Variants in GRK3 observed in about 807,000 individuals in gnomAD.
GRK3 encodes G protein-coupled receptor kinase 3, also known as adrenergic, beta, receptor kinase 2.
GRK3 carries 54 observed loss-of-function variants against 95.7 expected under a neutral mutation model. The observed-to-expected ratio is 0.56, with a 90% CI of 0.45 to 0.71. The LOEUF is 0.71. Among genes scored for constraint, GRK3 ranks in the 30% least tolerant of loss-of-function variants. The probability of loss-of-function intolerance (pLI) is 0.00; values close to 1 mark genes in which losing one functional copy is unlikely to be tolerated. For synonymous variants in GRK3, 281 were observed against 290.8 expected (o/e 0.97, Z 0.34); for missense variants, 649 against 851.2 (o/e 0.76, Z 2.96).
At position 25,726,560 on chromosome 22, in the gene GRK3, G is replaced by C. The variant is rs2085475704; in HGVS notation, c.*4110G>C. ...GGCTTCACTGGGATCTGTGACAGGT[G>C]GGGGCTGGGCTGGGTGTCACAAAGA... On this transcript the variant is annotated 3_prime_UTR_variant, in exon 21 of 21. Coordinates refer to ENST00000324198, the MANE Select transcript of GRK3 (RefSeq NM_005160.4). The C allele has an allele frequency of 2.0e-5, 3 of 152,206 alleles. No homozygotes were observed. Among genetic ancestry groups the C allele is most frequent in the Admixed American group, 2.0e-4 (3 of 15,280 alleles). 9.4% of individuals were successfully genotyped at this position (152,206 alleles called of 1,614,324 possible). A position where few individuals can be genotyped will look rare whatever the true frequency, so the allele number is the denominator to read the frequency against.
At position 25,725,494 on chromosome 22, in the gene GRK3, T is replaced by C. The variant is rs1422188381; in HGVS notation, c.*3044T>C. On this transcript the variant is annotated 3_prime_UTR_variant, in exon 21 of 21. Transcript: ENST00000324198. ...TCTCTTTGGTTCATTCATCCCCTCA[T>C]GTCATGGGGGCTCATTGGTTTTCCT... The C allele has an allele frequency of 2.5e-6, 1 of 398,438 alleles. No homozygotes were observed. The highest frequency in any genetic ancestry group is 4.4e-6 in the Non-Finnish European group (1 of 226,024). 24.7% of individuals were successfully genotyped at this position (398,438 alleles called of 1,614,324 possible).
At chr22:25,638,314 A>G (rs1232291992) in intron 2 of GRK3, among the ~76,000 whole-genome samples, 1 of 152,222 alleles carries the variant, frequency 6.6e-6, no homozygotes, top group Non-Finnish European at 1.5e-5. Context: ...GGAAGTCAGT[A>G]TGTCTTCTGT....
chr22:25,616,594 A>G (rs949043537), intron 2 of GRK3, among the ~76,000 whole-genome samples: 1 of 152,214 alleles, frequency 6.6e-6, no homozygotes, highest in Non-Finnish European at 1.5e-5. Context: ...AAAACATTTC[A>G]GAGACCTCTT....
Position 25,688,427 on chromosome 22 carries a change from T to C in GRK3, c.957+760T>C, listed in dbSNP as rs116877393. Among the ~76,000 whole-genome samples, 369 of 152,166 alleles carry C rather than the reference T, an allele frequency of 2.4e-3. 7 individuals carry two copies. In the Middle Eastern group the frequency reaches 0.031, roughly 13 times the overall value. Reference sequence around the variant, plus strand: ...GCTTAGAAGCTGGTGAGCTAAGACATAGAATGGCCGAGTCATAACTCCTCC... The same window carrying C: ...GCTTAGAAGCTGGTGAGCTAAGACACAGAATGGCCGAGTCATAACTCCTCC... On this transcript the variant is annotated intron_variant, in intron 11 of 20. Coordinates refer to ENST00000324198, the MANE Select transcript of GRK3 (RefSeq NM_005160.4).
At chr22:25,678,791 T>G (rs776166527) in intron 8 of GRK3, 25 bp from the exon 9 acceptor site, 4 of 1,405,490 alleles carry the variant, frequency 2.8e-6, no homozygotes, top group Non-Finnish European at 4.0e-6. Flanking sequence ...ACGGCATAGA[T>G]TTTTCAATAA....
chr22:25,611,991 C>A (rs1340499846), intron 2 of GRK3, among the ~76,000 whole-genome samples: 1 of 151,962 alleles, frequency 6.6e-6, no homozygotes, highest in Non-Finnish European at 1.5e-5. Flanking sequence ...CACCACCACA[C>A]CCAGCTAATT....
At chr22:25,572,500 C>T (rs1421680483) in intron 1 of GRK3, among the ~76,000 whole-genome samples, 1 of 152,226 alleles carries the variant, frequency 6.6e-6, no homozygotes, top group Non-Finnish European at 1.5e-5. Context: ...TATTTCTCCA[C>T]ATCCTCTCCA....
At chr22:25,672,256 T>C (rs757029864) in intron 6 of GRK3, 40 bp from the exon 7 acceptor site, 1 of 984,554 alleles carries the variant, frequency 1.0e-6, no homozygotes, top group Non-Finnish European at 1.6e-6. Flanking sequence ...CCAGTTAATT[T>C]GATATTTAAC....
chr22:25,647,586 A>G (rs2084794926), intron 3 of GRK3: 7 of 1,559,066 alleles, frequency 4.5e-6, no homozygotes, highest in Non-Finnish European at 6.2e-6. Context: ...GAACTACAGA[A>G]GACCTTTCAT....
intron 1 of GRK3, among the ~76,000 whole-genome samples, chr22:25,589,512 A>C (rs778428053): frequency 2.6e-5 from 4 of 152,200 alleles, no homozygotes; most frequent in Non-Finnish European, 4.4e-5. Context: ...AACACAAGTC[A>C]TTATGCCTCC....
chr22:25,585,292 T>G (rs1236148486), intron 1 of GRK3, among the ~76,000 whole-genome samples: 1 of 152,288 alleles, frequency 6.6e-6, no homozygotes, highest in Non-Finnish European at 1.5e-5. Flanking sequence ...TGTGACTATG[T>G]AACCGCAATA....
chr22:25,652,667 T>C (rs991849283), intron 3 of GRK3, among the ~76,000 whole-genome samples: 9 of 152,188 alleles, frequency 5.9e-5, no homozygotes, highest in African/African-American at 1.9e-4. Context: ...ATTTCTAAGA[T>C]AATTTATAAA....
intron 2 of GRK3, among the ~76,000 whole-genome samples, chr22:25,619,357 G>A (rs1175764603): frequency 6.6e-6 from 1 of 152,124 alleles, no homozygotes; most frequent in East Asian, 1.9e-4. Context: ...CCTTTTACAG[G>A]CAAGGAGCCG....
intron 12 of GRK3, 141 bp from the exon 13 acceptor site, chr22:25,694,966 G>A (rs555210625): frequency 3.5e-5 from 20 of 568,546 alleles, no homozygotes; most frequent in Admixed American, 5.7e-5. Flanking sequence ...AGTGCATCAC[G>A]TTTGCGGTGA....
chr22:25,693,738 T>G (rs1440451883), intron 12 of GRK3, among the ~76,000 whole-genome samples: 1 of 152,060 alleles, frequency 6.6e-6, no homozygotes, highest in Admixed American at 6.6e-5. Context: ...TCTGAGTAGA[T>G]TCTCACTGTT....
intron 3 of GRK3, chr22:25,649,359 C>A: frequency 1.7e-6 from 1 of 596,154 alleles, no homozygotes; most frequent in Non-Finnish European, 2.9e-6. Flanking sequence ...AAACTGGAGT[C>A]CCAGATATGG....
At chr22:25,677,018 A>G in intron 8 of GRK3, among the ~76,000 whole-genome samples, 1 of 152,158 alleles carries the variant, frequency 6.6e-6, no homozygotes, top group Admixed American at 6.5e-5. Context: ...CTTGCTTCCC[A>G]GAGGCCCGAG....
At chr22:25,615,801 GC>G (rs1055280444) in intron 2 of GRK3, among the ~76,000 whole-genome samples, 3 of 146,228 alleles carry the variant, frequency 2.1e-5, no homozygotes, top group Non-Finnish European at 4.5e-5. Context: ...GAGTGCTCGT[GC>G]ACATGGTGGC....
chr22:25,672,266 CT>C (rs751684824), intron 6 of GRK3, 29 bp from the exon 7 acceptor site: 5 of 1,151,578 alleles, frequency 4.3e-6, no homozygotes, highest in Non-Finnish European at 6.3e-6. Context: ...TGATATTTAA[CT>C]TTTTAGTAAT....
Sources: gnomAD v4.1 joint callset for allele counts (sites outside exome capture counted in the v4.1 genomes callset) on GRCh38, gnomAD v4.1.1 for gene constraint, MANE v1.5 for transcripts, NCBI Gene and HGNC (gene_info 2026-07-23, HGNC 2026-07-21) for gene names.